FAM193A: variants seen among roughly 807,000 people sequenced by gnomAD.
The protein encoded by FAM193A is family with sequence similarity 193 member A.
In FAM193A, 22 loss-of-function variants were observed where a neutral mutation model predicts 126.5. That is an observed-to-expected ratio of 0.17 (90% CI 0.12 to 0.25). The LOEUF (loss-of-function observed/expected upper bound fraction) is 0.25. Ranked by LOEUF, FAM193A falls within the 10% of genes least tolerant of loss-of-function variation. The pLI is 1.00. For synonymous variants in FAM193A, 761 were observed against 646.8 expected, an observed-to-expected ratio of 1.18 and a Z score of -2.68; for missense variants, 1,675 against 1,672.8, an observed-to-expected ratio of 1.00 and a Z score of -0.02.
chr4:2,609,455 G>A (rs890822834), intron 2 of FAM193A, among the ~76,000 whole-genome samples: 61 of 152,076 alleles, frequency 4.0e-4, no homozygotes, highest in African/African-American at 1.4e-3. Flanking sequence ...TGTTTTCAAG[G>A]CTGTTTTAGA....
intron 20 of FAM193A, among the ~76,000 whole-genome samples, chr4:2,718,386 A>G (rs904627382): frequency 1.3e-5 from 2 of 151,950 alleles, no homozygotes; most frequent in African/African-American, 4.8e-5. Context: ...TCATTATGCT[A>G]TACTATCTGT....
At chr4:2,649,433 G>A (rs1481575469) in intron 7 of FAM193A, among the ~76,000 whole-genome samples, 3 of 151,710 alleles carry the variant, frequency 2.0e-5, no homozygotes. Flanking sequence ...AGCACTTTGG[G>A]AGGCTGAGGC....
chr4:2,681,703 G>T (rs1396335531), intron 13 of FAM193A, among the ~76,000 whole-genome samples: 1 of 152,044 alleles, frequency 6.6e-6, no homozygotes, highest in Non-Finnish European at 1.5e-5. Context: ...GGCTCAAGCA[G>T]TCCTCCTGCC....
At chr4:2,572,328 C>A (rs368208039) in intron 1 of FAM193A, among the ~76,000 whole-genome samples, 233 of 124,876 alleles carry the variant, frequency 1.9e-3, no homozygotes, top group Middle Eastern at 4.3e-3. Flanking sequence ...GACTTCATCT[C>A]AAAAAAAAAA....
At chr4:2,705,951 A>G (rs530422650) in intron 19 of FAM193A, among the ~76,000 whole-genome samples, 1 of 152,150 alleles carries the variant, frequency 6.6e-6, no homozygotes, top group African/African-American at 2.4e-5. Flanking sequence ...CATGCCTGTG[A>G]TCCCAGCACT....
At chr4:2,613,501 C>T (rs1475829079) in intron 2 of FAM193A, among the ~76,000 whole-genome samples, 2 of 150,662 alleles carry the variant, frequency 1.3e-5, no homozygotes, top group African/African-American at 2.4e-5. Context: ...TTGCCCAGGC[C>T]GGAGTGCAGT....
chr4:2,646,704 G>A lies in FAM193A; in HGVS notation c.1183G>A (p.Asp395Asn), dbSNP rs1354500396. The part of the protein sequence containing the change: ...SQIRLGTTTH[D>N]TCSEDTYSTL... ...TCCTAGGCTAGGAACCACCACACAC[G>A]ACACCTGCAGTGAGGACACATACAG... The change falls in exon 7 of 21, where the codon GAC (aspartate) becomes AAC (asparagine). Residue 395 changes from aspartate (D) to asparagine (N), a missense_variant. Physicochemically the swap from Asp to Asn is conservative, Grantham distance 23. Coordinates refer to ENST00000637812, the MANE Select transcript of FAM193A (RefSeq NM_001366318.2). 2.5e-6 allele frequency: 4 copies of A among 1,609,120 alleles called. No individual in the cohort carries two copies. The highest frequency in any genetic ancestry group is 3.4e-5 in the Admixed American group (2 of 59,336).
At chr4:2,549,803 C>T (rs981050987) in intron 1 of FAM193A, among the ~76,000 whole-genome samples, 4 of 152,054 alleles carry the variant, frequency 2.6e-5, no homozygotes, top group Non-Finnish European at 4.4e-5. Context: ...TCTCGGCTCA[C>T]TGCAACCTCT....
intron 12 of FAM193A, among the ~76,000 whole-genome samples, chr4:2,670,081 G>C (rs1713613013): frequency 6.6e-6 from 1 of 152,238 alleles, no homozygotes; most frequent in African/African-American, 2.4e-5. Context: ...ACATGCTGGA[G>C]TGCTGGCTGC....
intron 1 of FAM193A, among the ~76,000 whole-genome samples, chr4:2,540,924 A>G (rs908231442): frequency 6.8e-6 from 1 of 147,996 alleles, no homozygotes; most frequent in South Asian, 2.2e-4. Flanking sequence ...TCACATCACT[A>G]CACTCTAGCC....
At chr4:2,537,768 C>T (rs996480399) in intron 1 of FAM193A, among the ~76,000 whole-genome samples, 4 of 152,218 alleles carry the variant, frequency 2.6e-5, no homozygotes, top group African/African-American at 9.6e-5. Context: ...TACCTGACAG[C>T]CACCTGGAGC....
chr4:2,692,470 T>A (rs1018550974), intron 15 of FAM193A, among the ~76,000 whole-genome samples: 1 of 152,186 alleles, frequency 6.6e-6, no homozygotes, highest in African/African-American at 2.4e-5. Flanking sequence ...TACAAAGGAA[T>A]GGTGGGTGCC....
rs370709519 is a variant in FAM193A, at chr4:2,708,803, T to G, written c.4373-7220T>G. 5.9e-5 allele frequency among the ~76,000 whole-genome samples: 9 copies of G among 152,224 alleles called. No individual in the cohort carries two copies. The East Asian group carries it at 1.7e-3, about 29-fold the overall frequency. On this transcript the variant is annotated intron_variant, in intron 19 of 20. Transcript: ENST00000637812. ...ATATATTTTACTTTACTGAATTTTATTGTTTGAGTCTTACTGTTGATTCTC... is the reference window on the plus strand; with the variant it reads ...ATATATTTTACTTTACTGAATTTTAGTGTTTGAGTCTTACTGTTGATTCTC...
At chr4:2,675,499 C>G (rs958058508) in intron 13 of FAM193A, among the ~76,000 whole-genome samples, 2 of 152,154 alleles carry the variant, frequency 1.3e-5, no homozygotes, top group African/African-American at 4.8e-5. Context: ...TTATGTAATG[C>G]TCCTTACTAC....
At chr4:2,727,035 C>G (rs964309823) in intron 20 of FAM193A, among the ~76,000 whole-genome samples, 1 of 150,932 alleles carries the variant, frequency 6.6e-6, no homozygotes, top group South Asian at 2.1e-4. Context: ...CCAAAGCGGG[C>G]GGATCACGAG....
At chr4:2,690,142 G>A (rs1216935770) in intron 14 of FAM193A, among the ~76,000 whole-genome samples, 1 of 152,184 alleles carries the variant, frequency 6.6e-6, no homozygotes, top group African/African-American at 2.4e-5. Context: ...TTGGCGCCAC[G>A]TGGCATCTCT....
intron 1 of FAM193A, among the ~76,000 whole-genome samples, chr4:2,574,686 A>G (rs775900543): frequency 6.6e-5 from 10 of 152,206 alleles, no homozygotes; most frequent in Non-Finnish European, 1.5e-4. Context: ...GTTTATGTCT[A>G]ACCTGCCTTA....
chr4:2,571,431 G>A (rs1194803677), intron 1 of FAM193A, among the ~76,000 whole-genome samples: 1 of 152,098 alleles, frequency 6.6e-6, no homozygotes, highest in Non-Finnish European at 1.5e-5. Flanking sequence ...ATTTAGATTT[G>A]TACTAGGGTT....
intron 6 of FAM193A, among the ~76,000 whole-genome samples, chr4:2,643,519 T>C (rs1467840181): frequency 1.5e-5 from 2 of 136,324 alleles, no homozygotes; most frequent in Non-Finnish European, 3.1e-5. Flanking sequence ...TACTTTAAAA[T>C]TTTTTCCTCA....
Sources: allele counts gnomAD v4.1 joint callset (sites outside exome capture counted in the v4.1 genomes callset), GRCh38; gene constraint gnomAD v4.1.1; transcripts MANE v1.5; gene names NCBI Gene and HGNC (gene_info 2026-07-23, HGNC 2026-07-21).